Variants in IQSEC3 observed in about 807,000 individuals in gnomAD.
The protein encoded by IQSEC3 is IQ motif and SEC7 domain-containing protein 3.
IQSEC3 carries 50 observed loss-of-function variants against 105.4 expected under a neutral mutation model. That is an observed-to-expected ratio of 0.47 (90% CI 0.38 to 0.60). The LOEUF is 0.60. Ranked by LOEUF, IQSEC3 falls within the 20% of genes least tolerant of loss-of-function variation. The pLI is 0.00. For missense variants in IQSEC3, 1,415 were observed against 1,630.0 expected (o/e 0.87, Z 2.27); for synonymous variants, 708 against 746.0 (o/e 0.95, Z 0.83).
chr12:139,846 C>CT (rs1865943015), intron 4 of IQSEC3: 1 of 153,294 alleles, frequency 6.5e-6, no homozygotes, highest in African/African-American at 2.4e-5. Context: ...GAGGGGAGGG[C>CT]TACGAGGAAG....
intron 3 of IQSEC3, 65 bp downstream of exon 3, chr12:125,977 G>GC: frequency 4.1e-6 from 6 of 1,473,908 alleles, no homozygotes; most frequent in Non-Finnish European, 5.4e-6. Flanking sequence ...GGGCTGTCGA[G>GC]GGTACCAGGG....
At chr12:123,049 A>G (rs1555082241) in intron 2 of IQSEC3, among the ~76,000 whole-genome samples, 1 of 152,188 alleles carries the variant, frequency 6.6e-6, no homozygotes, top group Non-Finnish European at 1.5e-5. Flanking sequence ...GTAATACAGC[A>G]AGAGAGGTTG....
intron 9 of IQSEC3, among the ~76,000 whole-genome samples, chr12:164,323 A>G (rs1485988779): frequency 6.6e-6 from 1 of 152,078 alleles, no homozygotes; most frequent in Non-Finnish European, 1.5e-5. Flanking sequence ...TCAGTGAACC[A>G]CATCAGCCTC....
At chr12:166,801 T>C (rs1555098609) in intron 11 of IQSEC3, 1 of 152,230 alleles carries the variant, frequency 6.6e-6, no homozygotes, top group Non-Finnish European at 1.5e-5. Flanking sequence ...ATCATCATTT[T>C]TGAGGCTCCT....
chr12:98,262 G>C (rs1864301290), intron 1 of IQSEC3, among the ~76,000 whole-genome samples: 1 of 152,150 alleles, frequency 6.6e-6, no homozygotes, highest in Admixed American at 6.5e-5. Context: ...TTTTAGAGGT[G>C]GAAGGGACCT....
intron 3 of IQSEC3, among the ~76,000 whole-genome samples, chr12:131,921 C>A (rs1311189551): frequency 6.6e-6 from 1 of 152,178 alleles, no homozygotes; most frequent in Non-Finnish European, 1.5e-5. Flanking sequence ...TTGCTCCATG[C>A]CAGTTAAGGT....
intron 3 of IQSEC3, among the ~76,000 whole-genome samples, chr12:136,005 G>A (rs1007349863): frequency 1.2e-4 from 18 of 152,222 alleles, no homozygotes; most frequent in Non-Finnish European, 5.9e-5. Flanking sequence ...GTGGTCATGT[G>A]TTACACAGCA....
chr12:77,287 C>G (rs576063671), intron 1 of IQSEC3: 17 of 152,530 alleles, frequency 1.1e-4, no homozygotes, highest in African/African-American at 4.1e-4. Context: ...ATTATCTTTT[C>G]AAGCAGCTGG....
At position 174,688 on chromosome 12, in the gene IQSEC3, G is replaced by A; in HGVS notation, c.3204G>A (p.Gln1068=). The A allele has an allele frequency of 6.3e-7, 1 of 1,592,798 alleles. No homozygotes were observed. The highest frequency in any genetic ancestry group is 1.3e-5 in the African/African-American group (1 of 74,864). Residue 1068 remains glutamine, a synonymous_variant, in exon 14 of 14, where the codon CAG becomes CAA. Transcript: ENST00000538872. ...RGAPVPPPDL[Q]PSPPRQQTPP... is the part of the protein sequence containing the mutation. ...CGCCGGTGCCGCCGCCAGACCTGCA[G>A]CCTAGCCCCCCGAGACAGCAGACCC...
At chr12:121,567 C>T (rs1168353922) in intron 2 of IQSEC3, among the ~76,000 whole-genome samples, 2 of 152,218 alleles carry the variant, frequency 1.3e-5, no homozygotes, top group African/African-American at 2.4e-5. Context: ...CTGTTTGCTG[C>T]TCCAGTGGCT....
intron 2 of IQSEC3, among the ~76,000 whole-genome samples, chr12:112,839 G>C (rs1487705826): frequency 6.6e-6 from 1 of 152,070 alleles, no homozygotes; most frequent in Non-Finnish European, 1.5e-5. Context: ...GCATGGCAAG[G>C]GAAGCCCTCT....
At chr12:93,736 A>G (rs1199295425) in intron 1 of IQSEC3, among the ~76,000 whole-genome samples, 1 of 152,156 alleles carries the variant, frequency 6.6e-6, no homozygotes, top group East Asian at 1.9e-4. Context: ...CCAGAGTTGG[A>G]GGTGGGGCCT....
At chr12:159,539 A>G (rs1010603094) in intron 7 of IQSEC3, among the ~76,000 whole-genome samples, 13 of 152,228 alleles carry the variant, frequency 8.5e-5, no homozygotes, top group African/African-American at 3.1e-4. Context: ...AAACACGCCA[A>G]TCAGGATTTC....
Position 157,615 on chromosome 12 carries a change from C to T in IQSEC3, c.2364C>T (p.Leu788=), listed in dbSNP as rs781846490. ...TIFILAFAII[L]LNTDMYSPNI... is the part of the protein sequence containing the mutation. ...TCATCCTCGCCTTCGCCATCATCCT[C>T]CTCAACACCGACATGTACAGCCCCA... The change falls in exon 7 of 14, where the codon CTC becomes CTT. Residue 788 remains leucine (L), a synonymous_variant. Transcript: ENST00000538872. 2 of 1,614,248 alleles carry T rather than the reference C, an allele frequency of 1.2e-6. No homozygotes were observed. The highest frequency in any genetic ancestry group is 2.2e-5 in the East Asian group (1 of 44,892).
chr12:102,248 G>A (rs972617520), intron 2 of IQSEC3, among the ~76,000 whole-genome samples: 3 of 151,802 alleles, frequency 2.0e-5, no homozygotes, highest in East Asian at 1.9e-4. Flanking sequence ...CTGGTTTCCC[G>A]CTAGCTCAGC....
At chr12:131,705 A>C (rs1865607732) in intron 3 of IQSEC3, among the ~76,000 whole-genome samples, 1 of 151,922 alleles carries the variant, frequency 6.6e-6, no homozygotes, top group South Asian at 2.1e-4. Context: ...CCGCAGCGAG[A>C]GCTCTGAGCA....
At chr12:117,564 C>T (rs183577947) in intron 2 of IQSEC3, among the ~76,000 whole-genome samples, 3 of 152,254 alleles carry the variant, frequency 2.0e-5, no homozygotes, top group South Asian at 2.1e-4. Flanking sequence ...CAGGAGCCAC[C>T]CTGTGGCCCA....
intron 2 of IQSEC3, among the ~76,000 whole-genome samples, chr12:99,431 G>A (rs533708128): frequency 1.2e-4 from 19 of 152,226 alleles, no homozygotes; most frequent in Middle Eastern, 3.4e-3. Context: ...ATGCCCTGTC[G>A]ATCACACCCC....
At position 174,861 on chromosome 12, in the gene IQSEC3, C is replaced by CT. The variant is rs1226332306; in HGVS notation, c.3378dup (p.Asp1127Ter). The CT allele has an allele frequency of 8.9e-6, 14 of 1,579,132 alleles. No individual in the cohort carries two copies. The highest frequency in any genetic ancestry group is 1.2e-5 in the Non-Finnish European group (14 of 1,171,274). The stretch of plus-strand genomic sequence containing the variant: ...CTCTCCTGCTACACCTCGTCGTCCT[C>CT]TGACTCCTGCGGCTCCACACCCCTG... On this transcript the variant is annotated frameshift_variant, in exon 14 of 14. Coordinates refer to ENST00000538872, the MANE Select transcript of IQSEC3 (RefSeq NM_001170738.2). LOFTEE classifies it high-confidence loss of function.
Sources: gnomAD v4.1 joint callset for allele counts (sites outside exome capture counted in the v4.1 genomes callset) on GRCh38, gnomAD v4.1.1 for gene constraint, MANE v1.5 for transcripts, NCBI Gene and HGNC (gene_info 2026-07-23, HGNC 2026-07-21) for gene names.